Variants in AGPAT3 observed in about 807,000 individuals in gnomAD.
AGPAT3 encodes the protein 1-acylglycerol-3-phosphate O-acyltransferase 3, also known as 1-acyl-sn-glycerol-3-phosphate acyltransferase gamma.
A neutral mutation model predicts 47.3 loss-of-function variants in AGPAT3; 5 were observed. The ratio of observed to expected loss-of-function variants is 0.11; its 90% CI spans 0.06 to 0.22. The LOEUF (loss-of-function observed/expected upper bound fraction) is 0.22, where lower values mean the gene tolerates loss of function less well. Ranked by LOEUF, AGPAT3 falls within the 10% of genes least tolerant of loss-of-function variation. AGPAT3 has a pLI of 1.00. For synonymous variants in AGPAT3, 212 were observed against 208.3 expected (o/e 1.02, Z -0.15); for missense variants, 315 against 493.0 (o/e 0.64, Z 3.42).
intron 2 of AGPAT3, among the ~76,000 whole-genome samples, chr21:43,906,418 A>G (rs2086496225): frequency 6.6e-6 from 1 of 152,094 alleles, no homozygotes; most frequent in African/African-American, 2.4e-5. Context: ...AAGGTGCCCA[A>G]ATACCTAATA....
At chr21:43,915,720 C>CT (rs1015388900) in intron 2 of AGPAT3, among the ~76,000 whole-genome samples, 1 of 151,924 alleles carries the variant, frequency 6.6e-6, no homozygotes, top group Non-Finnish European at 1.5e-5. Context: ...CCTTGATTAG[C>CT]TTTTTTTAAA....
chr21:43,874,410 C>A (rs1259685456), intron 1 of AGPAT3, among the ~76,000 whole-genome samples: 8 of 152,218 alleles, frequency 5.3e-5, no homozygotes, highest in African/African-American at 1.9e-4. Context: ...GTAATATTTT[C>A]ATTGTTCAGC....
chr21:43,920,206 C>CCT lies in AGPAT3; in HGVS notation c.-49+16188_-49+16189dup, dbSNP rs2086857680. Among the ~76,000 whole-genome samples, 1 of 67,466 alleles carries CCT rather than the reference C, an allele frequency of 1.5e-5. No individual in the cohort carries two copies. Among genetic ancestry groups the CCT allele is most frequent in the Admixed American group, 2.0e-4 (1 of 4,898 alleles). 44.3% of individuals were successfully genotyped at this position (67,466 alleles called of 152,430 possible). ...CTGGGACACTCATCATGTCTTCAGCCCTGTGTGTGTGTGTGTGAGAGATTG... is the reference window on the plus strand; with the variant it reads ...CTGGGACACTCATCATGTCTTCAGCCCTCTGTGTGTGTGTGTGTGAGAGATTG... On this transcript the variant is annotated intron_variant, in intron 2 of 9. Coordinates refer to ENST00000291572, the MANE Select transcript of AGPAT3 (RefSeq NM_020132.5). This position sits in a 1 kb window ranked among gnomAD's most constrained non-coding sequence, Gnocchi z 6.1.
chr21:43,924,752 C>T (rs1414141841), intron 2 of AGPAT3, among the ~76,000 whole-genome samples: 1 of 152,196 alleles, frequency 6.6e-6, no homozygotes, highest in Non-Finnish European at 1.5e-5. Context: ...CTGGGCTTTT[C>T]TTTTGAAGAC....
chr21:43,932,455 G>A lies in AGPAT3; in HGVS notation c.-48-27179G>A, dbSNP rs1345268208. Among the ~76,000 whole-genome samples, 1 of 152,188 alleles carries A rather than the reference G, an allele frequency of 6.6e-6. No homozygotes were observed. Among genetic ancestry groups the A allele is most frequent in the Non-Finnish European group, 1.5e-5 (1 of 68,046 alleles). On this transcript the variant is annotated intron_variant, in intron 2 of 9. Transcript: ENST00000291572. The surrounding 1 kb of genome is among the most constrained non-coding windows in gnomAD (Gnocchi z 5.2). ...GTGACAGGACTTCCTTCTTCCTTAT[G>A]GCTGAATAATAACACGGCGTTACGC...
intron 2 of AGPAT3, among the ~76,000 whole-genome samples, chr21:43,929,897 G>A (rs76491980): frequency 2.0e-5 from 3 of 152,336 alleles, no homozygotes; most frequent in Non-Finnish European, 2.9e-5. Flanking sequence ...GTGAGATGGC[G>A]CTCCCAGCGA....
chr21:43,903,265 G>A (rs952833280), intron 1 of AGPAT3, among the ~76,000 whole-genome samples: 6 of 152,304 alleles, frequency 3.9e-5, no homozygotes, highest in Admixed American at 3.9e-4. Context: ...GGGATGGGGA[G>A]TAGGTGTTTA....
In AGPAT3 at chr21:43,985,397, T is replaced by TA. The variant is rs112367723; in HGVS notation, c.*3020dup. 34,190 of 274,772 alleles carry TA rather than the reference T, an allele frequency of 0.12. 1,578 individuals are homozygous for TA. Among genetic ancestry groups the TA allele is most frequent in the South Asian group, 0.19 (6,368 of 32,820 alleles). The allele number at this position is 274,772 out of a possible 1,614,324, so 17.0% of individuals were successfully genotyped here. ...ACAATGTAAGCAGCACTTTCTTGTG[T>TA]AAAAAAAAAAAAAAAGCACGTCCTG... On this transcript the variant is annotated 3_prime_UTR_variant, in exon 10 of 10. Transcript: ENST00000291572.
intron 2 of AGPAT3, among the ~76,000 whole-genome samples, chr21:43,917,343 C>A (rs1436454518): frequency 6.6e-6 from 1 of 152,216 alleles, no homozygotes; most frequent in African/African-American, 2.4e-5. Context: ...CTCTGCTGAG[C>A]CCTCCAGGCG....
At chr21:43,950,670 C>T (rs886302999) in intron 2 of AGPAT3, 1 of 152,278 alleles carries the variant, frequency 6.6e-6, no homozygotes, top group Admixed American at 6.5e-5. Context: ...GCTCAGTGGC[C>T]TCCAAGGGGC....
At chr21:43,980,446 G>C (rs1569110515) in intron 8 of AGPAT3, among the ~76,000 whole-genome samples, 1 of 152,244 alleles carries the variant, frequency 6.6e-6, no homozygotes, top group Non-Finnish European at 1.5e-5. Context: ...ATTCCCACCA[G>C]AGGCAGAACC....
intron 3 of AGPAT3, among the ~76,000 whole-genome samples, chr21:43,961,832 G>C (rs2254072): frequency 0.5 from 75,232 of 151,960 alleles, 19,386 homozygotes; most frequent in African/African-American, 0.65. Context: ...AACCTTGTCT[G>C]CACGATCTCC....
chr21:43,871,145 T>C (rs2085616261), intron 1 of AGPAT3, among the ~76,000 whole-genome samples: 1 of 152,260 alleles, frequency 6.6e-6, no homozygotes, highest in Non-Finnish European at 1.5e-5. Context: ...ACAGTATTTA[T>C]TTCTTGAAAC....
chr21:43,918,223 T>TTGTGGGTGTTGTGGGTGTTGCGGCGGC (rs1477537554), intron 2 of AGPAT3, among the ~76,000 whole-genome samples: 3 of 149,902 alleles, frequency 2.0e-5, no homozygotes, highest in Non-Finnish European at 4.4e-5. Context: ...GTTGCGGCGG[T>TTGTGGGTGTTGTGGGTGTTGCGGCGGC]TGTGGGTGTT....
intron 1 of AGPAT3, among the ~76,000 whole-genome samples, chr21:43,869,899 C>A (rs1021241570): frequency 2.6e-5 from 4 of 152,200 alleles, no homozygotes; most frequent in African/African-American, 9.7e-5. Context: ...AGAGGTGGGG[C>A]CTCACTGTGT....
chr21:43,961,558 A>G (rs2088851901), intron 3 of AGPAT3, among the ~76,000 whole-genome samples: 1 of 143,194 alleles, frequency 7.0e-6, no homozygotes, highest in South Asian at 2.3e-4. Context: ...TCATATGGAA[A>G]ACAGTGAGCG....
At chr21:43,875,589 A>G (rs554457552) in intron 1 of AGPAT3, among the ~76,000 whole-genome samples, 2 of 152,184 alleles carry the variant, frequency 1.3e-5, no homozygotes, top group South Asian at 4.2e-4. Flanking sequence ...CTTCATCTCC[A>G]TCTACTGTGC....
At chr21:43,892,386 A>G (rs1467506723) in intron 1 of AGPAT3, among the ~76,000 whole-genome samples, 5 of 152,224 alleles carry the variant, frequency 3.3e-5, no homozygotes, top group African/African-American at 4.8e-5. Flanking sequence ...CAGGTATGAA[A>G]GCAACATTCA....
chr21:43,918,343 G>A (rs1232123394), intron 2 of AGPAT3, among the ~76,000 whole-genome samples: 1 of 150,816 alleles, frequency 6.6e-6, no homozygotes, highest in African/African-American at 2.4e-5. Flanking sequence ...GGTGGCTGAG[G>A]GTTCCCCTGG....
Sources: allele counts gnomAD v4.1 joint callset (sites outside exome capture counted in the v4.1 genomes callset), GRCh38; gene constraint gnomAD v4.1.1; non-coding constraint Gnocchi (gnomAD v3.1); transcripts MANE v1.5; gene names NCBI Gene and HGNC (gene_info 2026-07-23, HGNC 2026-07-21).